The following STAU2 variants were observed in gnomAD, a reference collection of about 807,000 sequenced individuals.
STAU2 encodes staufen double-stranded RNA binding protein 2, also known as double-stranded RNA-binding protein Staufen homolog 2.
In STAU2, 20 loss-of-function variants were observed where a neutral mutation model predicts 65.9. That is an observed-to-expected ratio of 0.30 (90% CI 0.21 to 0.44). The LOEUF (loss-of-function observed/expected upper bound fraction) is 0.44. STAU2 is among the 20% of genes least tolerant of loss of function. The pLI is 1.00. For missense variants in STAU2, 558 were observed against 683.9 expected, an observed-to-expected ratio of 0.82 and a Z score of 2.05; for synonymous variants, 232 against 233.9, an observed-to-expected ratio of 0.99 and a Z score of 0.07.
Position 73,709,039 on chromosome 8 carries a change from T to C in STAU2, c.107A>G (p.His36Arg). Residue 36 changes from histidine to arginine, a missense_variant, in exon 4 of 15, where the codon CAT becomes CGT. His to Arg is a conservative substitution (Grantham distance 29, BLOSUM62 0). Around this residue, in one of 3 missense-constraint regions of STAU2, gnomAD observed 112 missense variants for 114.2 expected, o/e 0.98. Coordinates refer to ENST00000524300, the MANE Select transcript of STAU2 (RefSeq NM_001164380.2). ...YKLLNERGPAHSKMFSVQLSL... is the reference protein window; with the variant it reads ...YKLLNERGPARSKMFSVQLSL... ...CTCTCTTCATAACCTTACCTTTGAA[T>C]GAGCAGGCCCTCTTTCATTCAGAAG... The C allele has an allele frequency of 1.3e-6, 2 of 1,523,872 alleles. No homozygotes were observed. The highest frequency in any genetic ancestry group is 1.8e-6 in the Non-Finnish European group (2 of 1,141,138). 94.4% of individuals were successfully genotyped at this position (1,523,872 alleles called of 1,614,324 possible). A position where few individuals can be genotyped will look rare whatever the true frequency, so the allele number is the denominator to read the frequency against.
intron 6 of STAU2, among the ~76,000 whole-genome samples, chr8:73,659,828 C>T (rs1167786734): frequency 2.0e-5 from 3 of 152,006 alleles, no homozygotes; most frequent in African/African-American, 7.2e-5. Flanking sequence ...AAGATAGACC[C>T]CTTGTTGTAA....
chr8:73,609,138 G>C (rs1812252216), intron 9 of STAU2, among the ~76,000 whole-genome samples: 1 of 152,102 alleles, frequency 6.6e-6, no homozygotes, highest in Admixed American at 6.6e-5. Flanking sequence ...ACTAAGTGGG[G>C]ATGTCTAATA....
chr8:73,576,388 G>A (rs1270049097), intron 12 of STAU2, among the ~76,000 whole-genome samples: 2 of 151,576 alleles, frequency 1.3e-5, no homozygotes, highest in Admixed American at 6.6e-5. Context: ...TATACCATAC[G>A]ACGCTATTTT....
chr8:73,602,939 G>A (rs879846127), intron 10 of STAU2, among the ~76,000 whole-genome samples: 4 of 151,476 alleles, frequency 2.6e-5, no homozygotes, highest in Non-Finnish European at 4.4e-5. Context: ...GAGAAAGGAA[G>A]AAAGAGAGGG....
chr8:73,650,704 A>C (rs915569325), intron 6 of STAU2, among the ~76,000 whole-genome samples: 1 of 152,154 alleles, frequency 6.6e-6, no homozygotes, highest in Admixed American at 6.6e-5. Flanking sequence ...TACAACTCAC[A>C]AAAAGGGTGG....
chr8:73,626,423 T>C (rs1813643374), intron 6 of STAU2, among the ~76,000 whole-genome samples: 1 of 152,190 alleles, frequency 6.6e-6, no homozygotes, highest in Non-Finnish European at 1.5e-5. Flanking sequence ...AATCAGAACT[T>C]AATTCCACAT....
intron 10 of STAU2, among the ~76,000 whole-genome samples, chr8:73,596,793 G>T (rs915286742): frequency 6.6e-6 from 1 of 152,084 alleles, no homozygotes; most frequent in Admixed American, 6.5e-5. Context: ...GGGCTGCAGT[G>T]AACCGTGATC....
intron 13 of STAU2, among the ~76,000 whole-genome samples, chr8:73,512,644 T>G (rs1822473524): frequency 1.3e-5 from 2 of 151,928 alleles, no homozygotes; most frequent in Non-Finnish European, 2.9e-5. Flanking sequence ...TAATAGGGTG[T>G]GTGTGTGTAT....
At position 73,673,238 on chromosome 8, in the gene STAU2, A is replaced by G; in HGVS notation, c.279T>C (p.Ser93=). ...CATTCAGTTCCACAGTTGGAGTTAT[A>G]CTGCCTGTTTAAAAAAAAAACATTA... ...PKSNVNNNPG[S]ITPTVELNGL... is the part of the protein sequence containing the mutation. The change falls in exon 6 of 15, where the codon AGT becomes AGC. Residue 93 remains serine (S), a synonymous_variant. Coordinates refer to ENST00000524300, the MANE Select transcript of STAU2 (RefSeq NM_001164380.2). 1 of 1,562,998 alleles carries G rather than the reference A, an allele frequency of 6.4e-7. No individual in the cohort carries two copies. The highest frequency in any genetic ancestry group is 8.6e-7 in the Non-Finnish European group (1 of 1,158,558).
At chr8:73,527,850 G>T in intron 13 of STAU2, 1 of 1,186,734 alleles carries the variant, frequency 8.4e-7, no homozygotes, top group South Asian at 1.4e-5. Flanking sequence ...TTTCAGAGGG[G>T]ACAAGATGCA....
rs779145782 is a variant in STAU2, at chr8:73,673,256, A to G, written c.275-14T>C. 97 of 1,538,822 alleles carry G rather than the reference A, an allele frequency of 6.3e-5. No homozygotes were observed. The highest frequency in any genetic ancestry group is 8.1e-5 in the Non-Finnish European group (93 of 1,145,092). ...GAGTTATACTGCCTGTTTAAAAAAA[A>G]AACATTAAAGGCACACAAGTGAAAT... On this transcript the variant is annotated splice_polypyrimidine_tract_variant and intron_variant, in intron 5 of 14. Transcript: ENST00000524300.
chr8:73,428,150 T>A (rs1816968844), intron 13 of STAU2, among the ~76,000 whole-genome samples: 2 of 152,204 alleles, frequency 1.3e-5, no homozygotes, highest in Non-Finnish European at 2.9e-5. Context: ...CCAGCCTCTG[T>A]ACCCACCACT....
rs934994163 is a variant in STAU2, at chr8:73,464,602, A to G, written c.1531-41900T>C. 1.1e-4 allele frequency among the ~76,000 whole-genome samples: 6 copies of G among 52,372 alleles called. No homozygotes were observed. In the South Asian group the frequency reaches 3.1e-3, roughly 27 times the overall value. 34.4% of individuals were successfully genotyped at this position (52,372 alleles called of 152,430 possible). A position where few individuals can be genotyped will look rare whatever the true frequency, so the allele number is the denominator to read the frequency against. On this transcript the variant is annotated intron_variant, in intron 13 of 14. Coordinates refer to ENST00000524300, the MANE Select transcript of STAU2 (RefSeq NM_001164380.2). ...TGCACACGTGCATGTGTGCACGCGC[A>G]CACACACACACACACACACACACTG...
chr8:73,477,113 GA>G (rs1820363386), intron 13 of STAU2, among the ~76,000 whole-genome samples: 1 of 152,176 alleles, frequency 6.6e-6, no homozygotes, highest in African/African-American at 2.4e-5. Context: ...TGGAGTGGAA[GA>G]GAGTAGTGCC....
In STAU2 at chr8:73,484,654, T is replaced by A. The variant is rs563545652; in HGVS notation, c.1531-61952A>T. Among the ~76,000 whole-genome samples the A allele has an allele frequency of 4.6e-5, 7 of 152,238 alleles. No individual in the cohort carries two copies. In the South Asian group the frequency reaches 1.5e-3, roughly 32 times the overall value. On this transcript the variant is annotated intron_variant, in intron 13 of 14. Coordinates refer to ENST00000524300, the MANE Select transcript of STAU2 (RefSeq NM_001164380.2). The stretch of plus-strand genomic sequence containing the variant: ...GGTGGATATCAGCCTTGCTTACCAA[T>A]ACCCAAGTTACATAAAAGGGTCCCA...
chr8:73,554,429 G>T (rs895762468), intron 12 of STAU2, among the ~76,000 whole-genome samples: 1 of 152,176 alleles, frequency 6.6e-6, no homozygotes, highest in Non-Finnish European at 1.5e-5. Flanking sequence ...CAGTCCTCTG[G>T]GTAGCCCCAG....
chr8:73,570,936 A>T (rs1809032376), intron 12 of STAU2, among the ~76,000 whole-genome samples: 1 of 152,350 alleles, frequency 6.6e-6, no homozygotes, highest in Non-Finnish European at 1.5e-5. Flanking sequence ...TGCTCCAATT[A>T]AAAGACAGAC....
intron 13 of STAU2, chr8:73,527,663 A>T: frequency 6.6e-7 from 1 of 1,515,574 alleles, no homozygotes; most frequent in Non-Finnish European, 8.9e-7. Context: ...GGGCCATAAC[A>T]CAGCAAAATG....
intron 12 of STAU2, among the ~76,000 whole-genome samples, chr8:73,577,301 G>A (rs576661930): frequency 9.2e-5 from 14 of 151,780 alleles, no homozygotes; most frequent in South Asian, 2.1e-4. Context: ...GGTGGCAGGC[G>A]CCTATAGTCC....
Sources: gnomAD v4.1 joint callset for allele counts (sites outside exome capture counted in the v4.1 genomes callset) on GRCh38, gnomAD v4.1.1 for gene constraint, gnomAD v4.1.1 regional missense constraint, MANE v1.5 for transcripts, NCBI Gene and HGNC (gene_info 2026-07-23, HGNC 2026-07-21) for gene names.